Variants in AUTS2 observed in about 807,000 individuals in gnomAD.
The protein encoded by AUTS2 is autism susceptibility gene 2 protein.
In AUTS2, 17 loss-of-function variants were observed where a neutral mutation model predicts 112.4. That is an observed-to-expected ratio of 0.15 (90% CI 0.10 to 0.23). The LOEUF (loss-of-function observed/expected upper bound fraction) is 0.23. AUTS2 is among the 10% of genes least tolerant of loss of function. The pLI is 1.00. For synonymous variants in AUTS2, 751 were observed against 702.7 expected, an observed-to-expected ratio of 1.07 and a Z score of -1.09; for missense variants, 1,510 against 1,701.6, an observed-to-expected ratio of 0.89 and a Z score of 1.98.
At chr7:70,433,852 C>T (rs1368984521) in intron 4 of AUTS2, among the ~76,000 whole-genome samples, 1 of 152,172 alleles carries the variant, frequency 6.6e-6, no homozygotes, top group African/African-American at 2.4e-5. Flanking sequence ...CTCATAATAG[C>T]AAGAAGTCCA....
At chr7:70,081,344 A>T (rs1296450162) in intron 2 of AUTS2, among the ~76,000 whole-genome samples, 2 of 145,664 alleles carry the variant, frequency 1.4e-5, no homozygotes, top group African/African-American at 2.5e-5. Flanking sequence ...TGAGGTCAGG[A>T]GTTTGAGACC....
chr7:70,090,035 A>C (rs1197648938), intron 2 of AUTS2, among the ~76,000 whole-genome samples: 5 of 150,518 alleles, frequency 3.3e-5, no homozygotes, highest in Non-Finnish European at 5.9e-5. Context: ...TAAATAAATA[A>C]ATAAATAAAT....
At chr7:69,945,319 C>T (rs937802297) in intron 2 of AUTS2, among the ~76,000 whole-genome samples, 1 of 152,100 alleles carries the variant, frequency 6.6e-6, no homozygotes, top group African/African-American at 2.4e-5. Context: ...TGTGGATTCA[C>T]CTGTTTTGGA....
At chr7:70,754,965 A>T (rs1423716390) in intron 6 of AUTS2, among the ~76,000 whole-genome samples, 2 of 152,036 alleles carry the variant, frequency 1.3e-5, no homozygotes, top group Non-Finnish European at 2.9e-5. Context: ...GAAGACCAGA[A>T]GTGCAGAAGC....
chr7:69,802,908 A>G (rs1346938996), intron 1 of AUTS2, among the ~76,000 whole-genome samples: 1 of 152,142 alleles, frequency 6.6e-6, no homozygotes, highest in Non-Finnish European at 1.5e-5. Context: ...GTTTATATTG[A>G]CAGTTCTTCA....
chr7:70,446,792 C>A (rs1796336862), intron 5 of AUTS2, among the ~76,000 whole-genome samples: 1 of 152,178 alleles, frequency 6.6e-6, no homozygotes, highest in African/African-American at 2.4e-5. Context: ...TGACTTCCTG[C>A]TCAGAGGTGC....
intron 4 of AUTS2, among the ~76,000 whole-genome samples, chr7:70,153,334 G>C (rs4364526): frequency 2.3e-4 from 35 of 152,068 alleles, no homozygotes; most frequent in African/African-American, 7.0e-4. Flanking sequence ...GGTACATATT[G>C]TATGGTTCCA....
Position 70,790,306 on chromosome 7 carries a change from C to T in AUTS2, c.3090C>T (p.Gly1030=), listed in dbSNP as rs748397672. 3 of 1,613,530 alleles carry T rather than the reference C, an allele frequency of 1.9e-6. No individual in the cohort carries two copies. In the Admixed American group the frequency reaches 5.0e-5, roughly 27 times the overall value. The change falls in exon 19 of 19, where the codon GGC becomes GGT. Residue 1030 remains glycine, a synonymous_variant. Transcript: ENST00000342771. This position sits in a 1 kb window ranked among gnomAD's most constrained non-coding sequence, Gnocchi z 7.6. ...TGCCCATGACGGTGGGGGTGACGGG[C>T]ATTCACCCCATGAACAGCATCAGCA... ...ASMPMTVGVT[G]IHPMNSISSL... is the part of the protein sequence containing the mutation.
At chr7:69,999,586 T>G (rs146515516) in intron 2 of AUTS2, among the ~76,000 whole-genome samples, 1 of 152,306 alleles carries the variant, frequency 6.6e-6, no homozygotes, top group East Asian at 1.9e-4. Context: ...GAGAGCACAG[T>G]GATGACCACT....
At chr7:70,288,271 G>A (rs986954310) in intron 4 of AUTS2, among the ~76,000 whole-genome samples, 3 of 152,014 alleles carry the variant, frequency 2.0e-5, no homozygotes, top group Non-Finnish European at 2.9e-5. Context: ...GCATGGTGGC[G>A]GGTGCCTGTA....
At chr7:70,248,123 C>A (rs533085745) in intron 4 of AUTS2, among the ~76,000 whole-genome samples, 116 of 152,264 alleles carry the variant, frequency 7.6e-4, no homozygotes, top group Non-Finnish European at 7.5e-4. Flanking sequence ...AGTTTGCTGA[C>A]ATTTTACTTA....
At chr7:70,075,017 A>G (rs1802960014) in intron 2 of AUTS2, among the ~76,000 whole-genome samples, 1 of 152,190 alleles carries the variant, frequency 6.6e-6, no homozygotes, top group South Asian at 2.1e-4. Context: ...TCTAGTCATT[A>G]GATAATTCAG....
chr7:70,757,917 G>A (rs1164189395), intron 6 of AUTS2, among the ~76,000 whole-genome samples: 1 of 143,546 alleles, frequency 7.0e-6, no homozygotes, highest in Non-Finnish European at 1.5e-5. Flanking sequence ...AAGTAGCTGG[G>A]ATCACAGGCA....
rs1374416708 is a variant in AUTS2, at chr7:70,643,298, C to T, written c.691-55271C>T. 3.9e-5 allele frequency among the ~76,000 whole-genome samples: 6 copies of T among 152,210 alleles called. No individual in the cohort carries two copies. The East Asian group carries it at 9.6e-4, about 24-fold the overall frequency. The stretch of plus-strand genomic sequence containing the variant: ...AAAAATGTGCCTAATCTAGGCCAGG[C>T]GTGGTGGCTCACGCCCGTAATCCCA... On this transcript the variant is annotated intron_variant, in intron 5 of 18. Coordinates refer to ENST00000342771, the MANE Select transcript of AUTS2 (RefSeq NM_015570.4).
intron 1 of AUTS2, among the ~76,000 whole-genome samples, chr7:69,883,684 A>G (rs1463165425): frequency 1.3e-5 from 2 of 152,144 alleles, no homozygotes; most frequent in Admixed American, 1.3e-4. Context: ...TTTAAACCAC[A>G]GGCTCAATTT....
chr7:70,755,264 CTT>C (rs57884970), intron 6 of AUTS2, among the ~76,000 whole-genome samples: 13 of 146,092 alleles, frequency 8.9e-5, no homozygotes, highest in Admixed American at 2.1e-4. Flanking sequence ...ACCCTTTTAA[CTT>C]TTTTTTTTTT....
rs921185497 is a variant in AUTS2 at position 70,230,182 on chromosome 7, C to G, written c.660+95611C>G. Among the ~76,000 whole-genome samples, 20 of 152,036 alleles carry G rather than the reference C, an allele frequency of 1.3e-4. 1 individual carries two copies. The highest frequency in any genetic ancestry group is 4.8e-4 in the African/African-American group (20 of 41,386). On this transcript the variant is annotated intron_variant, in intron 4 of 18. Transcript: ENST00000342771. ...GAACATTTTAGATAATATATTGTAG[C>G]AACTGTATAATCTGATTTCCCCATC...
chr7:70,180,220 A>C (rs1212003461), intron 4 of AUTS2, among the ~76,000 whole-genome samples: 14 of 152,208 alleles, frequency 9.2e-5, no homozygotes, highest in Admixed American at 9.2e-4. Context: ...GAAAAATATG[A>C]AAGGTTGATG....
intron 4 of AUTS2, among the ~76,000 whole-genome samples, chr7:70,399,779 A>T (rs1433064900): frequency 6.6e-6 from 1 of 152,112 alleles, no homozygotes; most frequent in East Asian, 1.9e-4. Context: ...AATAAAATAA[A>T]AATAAATAAA....
Sources: gnomAD v4.1 joint callset for allele counts (sites outside exome capture counted in the v4.1 genomes callset) on GRCh38, gnomAD v4.1.1 for gene constraint, Gnocchi (gnomAD v3.1) non-coding constraint, MANE v1.5 for transcripts, NCBI Gene and HGNC (gene_info 2026-07-23, HGNC 2026-07-21) for gene names.